Variants in DLEU7 observed in about 807,000 individuals in gnomAD.
The protein encoded by DLEU7 is leukemia-associated protein 7.
In DLEU7, 17 loss-of-function variants were observed where a neutral mutation model predicts 16.0. The observed-to-expected ratio is 1.06, with a 90% CI of 0.73 to 1.59. The LOEUF (loss-of-function observed/expected upper bound fraction) is 1.59. Ranked by LOEUF, DLEU7 falls within the 40% of genes most tolerant of loss-of-function variation. The probability of loss-of-function intolerance (pLI) is 0.00; values close to 1 mark genes in which losing one functional copy is unlikely to be tolerated. For missense variants in DLEU7, 308 were observed against 314.9 expected (o/e 0.98, Z 0.17); for synonymous variants, 113 against 139.8 (o/e 0.81, Z 1.35).
chr13:50,733,251 A>G (rs1430122596), intron 1 of DLEU7, among the ~76,000 whole-genome samples: 1 of 152,204 alleles, frequency 6.6e-6, no homozygotes, highest in Non-Finnish European at 1.5e-5. Flanking sequence ...GCATCAATGG[A>G]TTTGAAAGCT....
At position 50,843,624 on chromosome 13, in the gene DLEU7, A is replaced by G; in HGVS notation, c.23T>C (p.Val8Ala). 1 of 1,512,068 alleles carries G rather than the reference A, an allele frequency of 6.6e-7. No homozygotes were observed. Among genetic ancestry groups the G allele is most frequent in the Non-Finnish European group, 8.8e-7 (1 of 1,136,312 alleles). The allele number at this position is 1,512,068 out of a possible 1,614,324, so 93.7% of individuals were successfully genotyped here. Residue 8 changes from valine (V) to alanine (A), a missense_variant, in exon 1 of 2, where the codon GTG (valine) becomes GCG (alanine). Val to Ala is a moderately conservative substitution (Grantham distance 64). Coordinates refer to ENST00000504404, the MANE Select transcript of DLEU7 (RefSeq NM_001306135.2). The surrounding 1 kb of genome is among the most constrained non-coding windows in gnomAD (Gnocchi z 5.7). MASPAPL[V>A]ASISHQMVAL... ...CACCATTTGGTGGCTGATGGAGGCC[A>G]CTAAGGGCGCAGGGCTGGCCATCGC...
chr13:50,799,181 C>T (rs777933007), intron 1 of DLEU7, among the ~76,000 whole-genome samples: 5 of 152,150 alleles, frequency 3.3e-5, no homozygotes, highest in Non-Finnish European at 7.4e-5. Context: ...GAAGAAGTAA[C>T]AGTTTTATCC....
chr13:50,841,372 T>C (rs976208657), intron 1 of DLEU7, among the ~76,000 whole-genome samples: 1 of 152,102 alleles, frequency 6.6e-6, no homozygotes, highest in Non-Finnish European at 1.5e-5. Context: ...ATTTTTCCCT[T>C]TAATGTCTGG....
intron 1 of DLEU7, among the ~76,000 whole-genome samples, chr13:50,729,409 CA>C (rs2137714856): frequency 6.6e-6 from 1 of 152,322 alleles, no homozygotes; most frequent in South Asian, 2.1e-4. Flanking sequence ...ATATGTACCA[CA>C]TTTTTTTTAT....
In DLEU7 at chr13:50,829,732, T is replaced by C. The variant is rs950358702; in HGVS notation, c.460-6212A>G. Among the ~76,000 whole-genome samples the C allele has an allele frequency of 2.0e-5, 3 of 152,144 alleles. No homozygotes were observed. In the East Asian group the frequency reaches 5.8e-4, roughly 29 times the overall value. Reference sequence around the variant, plus strand: ...TATATTAGCAAAGAAAACAAATTAATAGGAATAGGCTTTCCGTGGGACTCT... The same window carrying C: ...TATATTAGCAAAGAAAACAAATTAACAGGAATAGGCTTTCCGTGGGACTCT... On this transcript the variant is annotated intron_variant, in intron 1 of 1. Transcript: ENST00000504404.
chr13:50,770,234 T>C (rs920012610), intron 1 of DLEU7, among the ~76,000 whole-genome samples: 1 of 152,164 alleles, frequency 6.6e-6, no homozygotes, highest in Non-Finnish European at 1.5e-5. Flanking sequence ...CAATTTGACT[T>C]CTTCTTTTCT....
intron 1 of DLEU7, among the ~76,000 whole-genome samples, chr13:50,836,372 GA>G (rs1159159707): frequency 1.0e-5 from 1 of 98,610 alleles, no homozygotes; most frequent in African/African-American, 4.3e-5. Context: ...AAGAAAGAGA[GA>G]AAAAGGAAAG....
chr13:50,759,109 G>A (rs1223194318), intron 1 of DLEU7, among the ~76,000 whole-genome samples: 1 of 152,162 alleles, frequency 6.6e-6, no homozygotes, highest in Non-Finnish European at 1.5e-5. Flanking sequence ...CATCCAATTT[G>A]CAAACACATT....
chr13:50,767,281 C>G (rs564220725), intron 1 of DLEU7, among the ~76,000 whole-genome samples: 1 of 152,092 alleles, frequency 6.6e-6, no homozygotes, highest in East Asian at 1.9e-4. Context: ...CAGTGAAACC[C>G]CGACTCTACT....
At chr13:50,722,290 G>C (rs1047501189) in intron 1 of DLEU7, among the ~76,000 whole-genome samples, 2 of 152,192 alleles carry the variant, frequency 1.3e-5, no homozygotes, top group African/African-American at 4.8e-5. Context: ...ATCATTATGA[G>C]AGCATGGCTG....
At chr13:50,776,035 AT>A (rs1875485971) in intron 1 of DLEU7, among the ~76,000 whole-genome samples, 1 of 152,158 alleles carries the variant, frequency 6.6e-6, no homozygotes, top group African/African-American at 2.4e-5. Flanking sequence ...TTTTATTCCC[AT>A]GAAGATGTTG....
chr13:50,819,888 A>G (rs1461628520), downstream of DLEU7, among the ~76,000 whole-genome samples: 1 of 152,170 alleles, frequency 6.6e-6, no homozygotes, highest in East Asian at 1.9e-4. Flanking sequence ...AGTATTGTAA[A>G]TCACCAACTA....
downstream of DLEU7, chr13:50,818,479 C>T (rs1425917027): frequency 6.6e-6 from 1 of 152,124 alleles, no homozygotes. Context: ...AACCACATGA[C>T]TTAATTCATC....
intron 1 of DLEU7, among the ~76,000 whole-genome samples, chr13:50,837,339 A>G (rs1877504520): frequency 6.6e-6 from 1 of 152,214 alleles, no homozygotes; most frequent in South Asian, 2.1e-4. Flanking sequence ...TTTCACCAAG[A>G]TGTCAAACAT....
chr13:50,723,486 CG>C (rs1173522056), intron 1 of DLEU7, among the ~76,000 whole-genome samples: 3 of 151,646 alleles, frequency 2.0e-5, no homozygotes, highest in Admixed American at 6.6e-5. Flanking sequence ...ATACCATAGG[CG>C]GGGTGGCTTA....
intron 1 of DLEU7, among the ~76,000 whole-genome samples, chr13:50,814,647 T>A (rs1321612124): frequency 6.9e-6 from 1 of 145,118 alleles, no homozygotes; most frequent in Admixed American, 6.9e-5. Context: ...ATTGTGGTGG[T>A]AGTTATACAA....
At chr13:50,724,141 C>G (rs1873700197) in intron 1 of DLEU7, among the ~76,000 whole-genome samples, 1 of 151,862 alleles carries the variant, frequency 6.6e-6, no homozygotes, top group South Asian at 2.1e-4. Flanking sequence ...GGCACATAGC[C>G]CATCACTAAT....
chr13:50,834,110 C>A (rs1297332114), intron 1 of DLEU7, among the ~76,000 whole-genome samples: 5 of 151,938 alleles, frequency 3.3e-5, no homozygotes, highest in African/African-American at 1.2e-4. Context: ...TAGACAATAC[C>A]ATTCAGGACA....
At chr13:50,788,394 C>A (rs1454414619) in intron 1 of DLEU7, among the ~76,000 whole-genome samples, 1 of 152,134 alleles carries the variant, frequency 6.6e-6, no homozygotes, top group Non-Finnish European at 1.5e-5. Context: ...CCCTCCTGTG[C>A]GTGTGTGTGA....
Sources: allele counts gnomAD v4.1 joint callset (sites outside exome capture counted in the v4.1 genomes callset), GRCh38; gene constraint gnomAD v4.1.1; non-coding constraint Gnocchi (gnomAD v3.1); transcripts MANE v1.5; gene names NCBI Gene and HGNC (gene_info 2026-07-23, HGNC 2026-07-21).